The following VWA8 variants were observed in gnomAD, a reference collection of about 807,000 sequenced individuals.
VWA8 encodes von Willebrand factor A domain-containing protein 8.
A neutral mutation model predicts 241.5 loss-of-function variants in VWA8; 221 were observed. That is an observed-to-expected ratio of 0.91 (90% confidence interval 0.82 to 1.02). The LOEUF (loss-of-function observed/expected upper bound fraction) is 1.02. VWA8 is among the 50% of genes least tolerant of loss of function. The pLI is 0.00. For synonymous variants in VWA8, 852 were observed against 827.1 expected, an observed-to-expected ratio of 1.03 and a Z score of -0.52; for missense variants, 2,322 against 2,328.7, an observed-to-expected ratio of 1.00 and a Z score of 0.06.
At chr13:41,624,852 CATCCAAATAGAA>C (rs1375710156) in intron 37 of VWA8, among the ~76,000 whole-genome samples, 1 of 151,930 alleles carries the variant, frequency 6.6e-6, no homozygotes, top group Non-Finnish European at 1.5e-5. Context: ...AAGTAAAAGG[CATCCAAATAGAA>C]AGACAGAAAG....
intron 43 of VWA8, among the ~76,000 whole-genome samples, chr13:41,573,421 A>T (rs552165687): frequency 0.16 from 23,711 of 147,178 alleles, 2,097 homozygotes; most frequent in Admixed American, 0.25. Context: ...CCATCTCAAA[A>T]CAAACAAAGA....
rs1168629617 is a variant in VWA8, at chr13:41,959,606, C to CTTTTTTTTTTTTTTT, written c.163+1232_163+1246dup. Among the ~76,000 whole-genome samples the CTTTTTTTTTTTTTTT allele has an allele frequency of 9.9e-4, 79 of 79,622 alleles. 11 individuals are homozygous for CTTTTTTTTTTTTTTT. The highest frequency in any genetic ancestry group is 3.6e-3 in the East Asian group (8 of 2,244). The allele number at this position is 79,622 out of a possible 152,430, so 52.2% of individuals were successfully genotyped here. On this transcript the variant is annotated intron_variant, in intron 1 of 44. Transcript: ENST00000379310. ...ACGAAATACGTGGGACCTAAATATGCTTTTTTTTTTTTTTTTTTTGAGATG... is the reference window on the plus strand; with the variant it reads ...ACGAAATACGTGGGACCTAAATATGCTTTTTTTTTTTTTTTTTTTTTTTTTTTTTTTTTTGAGATG...
chr13:41,587,595 T>G lies in VWA8; in HGVS notation c.5188A>C (p.Arg1730=), dbSNP rs374449216. Residue 1730 remains arginine (R), a synonymous_variant, in exon 42 of 45, where the codon AGG becomes CGG. Transcript: ENST00000379310. ...DVSGSMYRFN[R]MDGRLERTME... is the part of the protein sequence containing the mutation. The stretch of plus-strand genomic sequence containing the variant: ...GTGCGCTCAAGCCGGCCATCCATCC[T>G]GTTGAAACGGTACATGCTACCAGAC... The G allele has an allele frequency of 1.9e-6, 3 of 1,614,230 alleles. No homozygotes were observed. Among genetic ancestry groups the G allele is most frequent in the African/African-American group, 2.7e-5 (2 of 75,058 alleles).
At chr13:41,867,665 A>G (rs1447679589) in intron 10 of VWA8, among the ~76,000 whole-genome samples, 5 of 152,220 alleles carry the variant, frequency 3.3e-5, no homozygotes, top group Non-Finnish European at 5.9e-5. Context: ...ATTCAGTTCA[A>G]TGAATAAGTA....
rs374818357 is a variant in VWA8, at chr13:41,622,096, C to T, written c.4612-7012G>A. Among the ~76,000 whole-genome samples, 158 of 152,258 alleles carry T rather than the reference C, an allele frequency of 1.0e-3. 1 individual carries two copies. In the South Asian group the frequency reaches 0.015, roughly 14 times the overall value. On this transcript the variant is annotated intron_variant, in intron 37 of 44. Coordinates refer to ENST00000379310, the MANE Select transcript of VWA8 (RefSeq NM_015058.2). ...CTAATTTTGTGTCATTTTATGAATG[C>T]CACTCACTCACTCACAGGAATATAG...
chr13:41,794,770 C>T (rs1410037865), intron 17 of VWA8, among the ~76,000 whole-genome samples: 2 of 151,890 alleles, frequency 1.3e-5, no homozygotes, highest in Non-Finnish European at 1.5e-5. Context: ...GGCTGTGGAC[C>T]CCATCCTTAT....
At chr13:41,675,432 C>T (rs1311503837) in intron 35 of VWA8, 136 bp from the exon 36 acceptor site, 2 of 521,352 alleles carry the variant, frequency 3.8e-6, no homozygotes, top group Non-Finnish European at 6.7e-6. Context: ...GGTCAACCCT[C>T]ATGGCTAGAC....
intron 43 of VWA8, among the ~76,000 whole-genome samples, chr13:41,573,466 C>T (rs1352867450): frequency 1.9e-5 from 2 of 102,638 alleles, no homozygotes; most frequent in African/African-American, 1.0e-4. Flanking sequence ...AACAGGGTGG[C>T]TATAGTTTAA....
intron 37 of VWA8, among the ~76,000 whole-genome samples, chr13:41,641,392 T>C (rs2044794072): frequency 6.6e-6 from 1 of 152,156 alleles, no homozygotes; most frequent in Non-Finnish European, 1.5e-5. Context: ...TCCAAAATAT[T>C]TAGAGAGTTG....
In VWA8 at chr13:41,827,836, C is replaced by T. The variant is rs1871245375; in HGVS notation, c.1700+2693G>A. On this transcript the variant is annotated intron_variant, in intron 14 of 44. Coordinates refer to ENST00000379310, the MANE Select transcript of VWA8 (RefSeq NM_015058.2). ...AAAACTGCCTGTGACCATTAGAGAA[C>T]TTGGGTACTTTTCATAGAAAAGGGT... 2.6e-5 allele frequency among the ~76,000 whole-genome samples: 4 copies of T among 152,272 alleles called. No individual in the cohort carries two copies. The South Asian group carries it at 6.2e-4, about 24-fold the overall frequency.
chr13:41,714,362 C>G (rs1025230030), intron 26 of VWA8, among the ~76,000 whole-genome samples: 1 of 151,748 alleles, frequency 6.6e-6, no homozygotes, highest in African/African-American at 2.4e-5. Flanking sequence ...AAGAAATCAA[C>G]AGAATTAAGG....
At chr13:41,779,679 A>AAGTC (rs1197824277) in intron 19 of VWA8, among the ~76,000 whole-genome samples, 1 of 152,220 alleles carries the variant, frequency 6.6e-6, no homozygotes, top group East Asian at 1.9e-4. Context: ...CTAAGATGAA[A>AAGTC]AGTCAGTGCC....
At position 41,926,413 on chromosome 13, in the gene VWA8, T is replaced by A. The variant is rs1876838940; in HGVS notation, c.242-14245A>T. The stretch of plus-strand genomic sequence containing the variant: ...ATTGAAACTCCCATGGTGAACATCA[T>A]CCCGGGGGAGCTGTGGCCAAGCTTT... On this transcript the variant is annotated intron_variant, in intron 2 of 44. Transcript: ENST00000379310. 1.1e-5 allele frequency: 6 copies of A among 536,150 alleles called. No individual in the cohort carries two copies. The Admixed American group carries it at 1.3e-4, about 12-fold the overall frequency. The allele number at this position is 536,150 out of a possible 1,614,324, so 33.2% of individuals were successfully genotyped here. A position where few individuals can be genotyped will look rare whatever the true frequency, so the allele number is the denominator to read the frequency against.
chr13:41,911,250 G>A (rs1875982406), intron 3 of VWA8, among the ~76,000 whole-genome samples: 1 of 151,990 alleles, frequency 6.6e-6, no homozygotes, highest in Non-Finnish European at 1.5e-5. Flanking sequence ...TTTTAGTAGA[G>A]CCGAGGTTTC....
chr13:41,611,774 T>C (rs1223103546), intron 38 of VWA8, 42 bp from the exon 39 acceptor site: 14 of 1,609,832 alleles, frequency 8.7e-6, no homozygotes, highest in Admixed American at 1.7e-5. Context: ...AATCTGAACT[T>C]GACCACAGAA....
chr13:41,944,708 A>C (rs1011321782), intron 2 of VWA8, among the ~76,000 whole-genome samples: 1 of 152,198 alleles, frequency 6.6e-6, no homozygotes, highest in Non-Finnish European at 1.5e-5. Context: ...CAATCCCAAA[A>C]AATTATCCCT....
In VWA8 at chr13:41,907,594, T is replaced by C. The variant is rs1257256315; in HGVS notation, c.475A>G (p.Ile159Val). Residue 159 changes from isoleucine to valine, a missense_variant, in exon 4 of 45, where the codon ATT (isoleucine) becomes GTT (valine). Physicochemically the swap from Ile to Val is conservative, Grantham distance 29 (BLOSUM62 3). Transcript: ENST00000379310. ...REIRAGTAFY[I>V]DQCAVRAATE... ...AGTGTGACAGAACTTGCCTGATCAATGTAAAAGGCTGTGCCTGCACGGATC... is the reference window on the plus strand; with the variant it reads ...AGTGTGACAGAACTTGCCTGATCAACGTAAAAGGCTGTGCCTGCACGGATC... 1 of 1,614,146 alleles carries C rather than the reference T, an allele frequency of 6.2e-7. No homozygotes were observed. The highest frequency in any genetic ancestry group is 8.5e-7 in the Non-Finnish European group (1 of 1,179,986).
chr13:41,866,373 A>G (rs746453710), intron 10 of VWA8, among the ~76,000 whole-genome samples: 47 of 149,748 alleles, frequency 3.1e-4, no homozygotes, highest in Non-Finnish European at 5.3e-4. Context: ...ATATATATAT[A>G]TATGTGTGTG....
rs1372481803 is a variant in VWA8 at position 41,727,323 on chromosome 13, A to T, written c.2639-10T>A. 1.4e-6 allele frequency: 2 copies of T among 1,455,330 alleles called. No individual in the cohort carries two copies. The highest frequency in any genetic ancestry group is 1.8e-6 in the Non-Finnish European group (2 of 1,087,212). 90.2% of individuals were successfully genotyped at this position (1,455,330 alleles called of 1,614,324 possible). A position where few individuals can be genotyped will look rare whatever the true frequency, so the allele number is the denominator to read the frequency against. ...TTCACATTAGCAGAATCTGAAAAACAAAATTTGTTTATTCTTTATCAATAT... is the reference window on the plus strand; with the variant it reads ...TTCACATTAGCAGAATCTGAAAAACTAAATTTGTTTATTCTTTATCAATAT... On this transcript the variant is annotated splice_polypyrimidine_tract_variant and intron_variant, in intron 23 of 44. Coordinates refer to ENST00000379310, the MANE Select transcript of VWA8 (RefSeq NM_015058.2).
Sources: gnomAD v4.1 joint callset for allele counts (sites outside exome capture counted in the v4.1 genomes callset) on GRCh38, gnomAD v4.1.1 for gene constraint, MANE v1.5 for transcripts, NCBI Gene and HGNC (gene_info 2026-07-23, HGNC 2026-07-21) for gene names.